The following BTG4 variants were observed in gnomAD, a reference collection of about 807,000 sequenced individuals.
The protein encoded by BTG4 is BTG anti-proliferation factor 4.
Under a neutral mutation model 19.3 loss-of-function variants are expected in BTG4, and 10 were observed. The observed-to-expected ratio is 0.52, with a 90% CI of 0.32 to 0.88. The LOEUF is 0.88. Among genes scored for constraint, BTG4 ranks in the 40% least tolerant of loss-of-function variants. The probability of loss-of-function intolerance (pLI) is 0.04; values close to 1 mark genes in which losing one functional copy is unlikely to be tolerated. For synonymous variants in BTG4, 91 were observed against 95.7 expected (o/e 0.95, Z 0.29); for missense variants, 238 against 281.9 (o/e 0.84, Z 1.11).
At chr11:111,453,528 A>T in the BTG4 span, 1 of 456,616 alleles carries the variant, frequency 2.2e-6, no homozygotes, top group Admixed American at 2.3e-5. Flanking sequence ...TAATGTCAAT[A>T]AGGAGAGGCC....
At chr11:111,385,271 A>T in the BTG4 span, 6 of 152,262 alleles carry the variant, frequency 3.9e-5, no homozygotes, top group East Asian at 9.6e-4. Flanking sequence ...AACAGGAAGG[A>T]TGTATTTAAA....
At chr11:111,434,700 T>C in the BTG4 span, among the ~76,000 whole-genome samples, 6 of 150,316 alleles carry the variant, frequency 4.0e-5, no homozygotes, top group African/African-American at 1.5e-4. Flanking sequence ...GTATAATAAT[T>C]GTTTAAAAAA....
At chr11:111,443,169 T>A in the BTG4 span, among the ~76,000 whole-genome samples, 2 of 152,188 alleles carry the variant, frequency 1.3e-5, no homozygotes, top group African/African-American at 4.8e-5. Context: ...TAGAAAAACA[T>A]CAGATAAATC....
chr11:111,399,516 C>T, the BTG4 span, among the ~76,000 whole-genome samples: 3 of 152,326 alleles, frequency 2.0e-5, no homozygotes, highest in African/African-American at 7.2e-5. Context: ...TACCCCTTCA[C>T]TTTCTAGCCC....
the BTG4 span, among the ~76,000 whole-genome samples, chr11:111,414,046 G>A: frequency 1.3e-5 from 2 of 152,186 alleles, no homozygotes; most frequent in Non-Finnish European, 2.9e-5. Flanking sequence ...CAGTGTAGGA[G>A]CAAACTGAGA....
At chr11:111,442,546 C>CACACACA in the BTG4 span, among the ~76,000 whole-genome samples, 35,534 of 141,356 alleles carry the variant, frequency 0.25, 5,024 homozygotes, top group East Asian at 0.39. Context: ...ACACACACAC[C>CACACACA]AGATGAGCCT....
chr11:111,469,427 C>T (rs1291053603), intron 5 of BTG4: 2 of 152,220 alleles, frequency 1.3e-5, no homozygotes, highest in African/African-American at 4.8e-5. Context: ...ATGCTTTAGG[C>T]TTTGCAACAT....
chr11:111,440,923 C>T, the BTG4 span, among the ~76,000 whole-genome samples: 3 of 152,190 alleles, frequency 2.0e-5, no homozygotes, highest in Non-Finnish European at 4.4e-5. Context: ...CTATCTGCCA[C>T]ACCACTTAGG....
the BTG4 span, among the ~76,000 whole-genome samples, chr11:111,401,258 G>T: frequency 1.3e-5 from 2 of 152,002 alleles, no homozygotes; most frequent in African/African-American, 2.4e-5. Flanking sequence ...AGGCCAAGGC[G>T]GGCGGATCAC....
chr11:111,456,550 G>A, the BTG4 span: 9 of 456,492 alleles, frequency 2.0e-5, no homozygotes, highest in South Asian at 1.4e-4. The surrounding 1 kb of genome is among the most constrained non-coding windows in gnomAD (Gnocchi z 4.2). Context: ...TGACATCAGT[G>A]TGAACCCCGT....
At chr11:111,392,169 C>CTTTTTTTT in the BTG4 span, among the ~76,000 whole-genome samples, 66 of 85,446 alleles carry the variant, frequency 7.7e-4, 5 homozygotes, top group East Asian at 1.3e-3. Flanking sequence ...CTGTGATTTT[C>CTTTTTTTT]TTTTTTTTTT....
At chr11:111,460,671 A>C in the BTG4 span, among the ~76,000 whole-genome samples, 14 of 152,220 alleles carry the variant, frequency 9.2e-5, no homozygotes, top group Non-Finnish European at 1.9e-4. Context: ...AGCAAATGCA[A>C]AGGCAGCAAG....
At chr11:111,510,370 GC>G (rs1866798555) in intron 1 of BTG4, among the ~76,000 whole-genome samples, 1 of 152,170 alleles carries the variant, frequency 6.6e-6, no homozygotes, top group Non-Finnish European at 1.5e-5. Context: ...TCTCCTGATA[GC>G]TCCTTTTCCA....
At chr11:111,514,721 G>T (rs866703844), upstream of BTG4, 2 of 1,341,844 alleles carry the variant, frequency 1.5e-6, no homozygotes, top group Middle Eastern at 2.6e-4. Context: ...GGTTCTCGGA[G>T]GGGCGGGGCA....
intron 4 of BTG4, 127 bp downstream of exon 4, chr11:111,497,084 T>A: frequency 1.1e-6 from 1 of 924,286 alleles, no homozygotes; most frequent in South Asian, 1.8e-5. Context: ...ATATTAAGAG[T>A]CTGGCTTTTA....
the BTG4 span, among the ~76,000 whole-genome samples, chr11:111,438,513 G>A: frequency 1.3e-5 from 2 of 152,206 alleles, no homozygotes; most frequent in African/African-American, 2.4e-5. Flanking sequence ...TTCCCCCAGC[G>A]CTTACCAAAT....
the BTG4 span, chr11:111,455,249 C>T: frequency 1.1e-5 from 4 of 354,058 alleles, no homozygotes; most frequent in African/African-American, 2.1e-5. Context: ...GGGAATTTCT[C>T]ATCCCCTTTG....
chr11:111,385,047 A>T, the BTG4 span: 2 of 152,126 alleles, frequency 1.3e-5, no homozygotes, highest in Admixed American at 1.3e-4. Flanking sequence ...GATCTGAAGT[A>T]GGAGGCAACT....
chr11:111,480,952 G>T (rs1248791255), intron 5 of BTG4, among the ~76,000 whole-genome samples: 1 of 151,158 alleles, frequency 6.6e-6, no homozygotes, highest in East Asian at 1.9e-4. Context: ...AAAAATAAAT[G>T]AAACTAAACA....
Sources: allele counts gnomAD v4.1 joint callset (sites outside exome capture counted in the v4.1 genomes callset), GRCh38; gene constraint gnomAD v4.1.1; non-coding constraint Gnocchi (gnomAD v3.1); transcripts MANE v1.5; gene names NCBI Gene and HGNC (gene_info 2026-07-23, HGNC 2026-07-21).